PPP2R5D: variants seen among roughly 807,000 people sequenced by gnomAD.
The protein encoded by PPP2R5D is serine/threonine-protein phosphatase 2A 56 kDa regulatory subunit delta isoform.
In PPP2R5D, 12 loss-of-function variants were observed where a neutral mutation model predicts 79.1. That is an observed-to-expected ratio of 0.15 (90% CI 0.10 to 0.25). The LOEUF (loss-of-function observed/expected upper bound fraction) is 0.25. Ranked by LOEUF, PPP2R5D falls within the 10% of genes least tolerant of loss-of-function variation. The pLI is 1.00. For synonymous variants in PPP2R5D, 277 were observed against 286.6 expected (o/e 0.97, Z 0.34); for missense variants, 419 against 760.2 (o/e 0.55, Z 5.28).
At chr6:42,990,001 A>C (rs1399636120) in intron 2 of PPP2R5D, among the ~76,000 whole-genome samples, 1 of 151,944 alleles carries the variant, frequency 6.6e-6, no homozygotes, top group Non-Finnish European at 1.5e-5. Flanking sequence ...CCTGGGCAAA[A>C]GGGGAAAAGT....
chr6:43,009,565 C>A lies in PPP2R5D; in HGVS notation c.1379+116C>A. 7.1e-7 allele frequency: 1 copy of A among 1,413,622 alleles called. No individual in the cohort carries two copies. The highest frequency in any genetic ancestry group is 9.7e-7 in the Non-Finnish European group (1 of 1,027,212). 87.6% of individuals were successfully genotyped at this position (1,413,622 alleles called of 1,614,324 possible). ...GTCACCCAGCAAGTGGGGCTGATGT[C>A]CCCTGCATGTTGATAGGACCTTGAG... On this transcript the variant is annotated intron_variant, in intron 12 of 15. Coordinates refer to ENST00000485511, the MANE Select transcript of PPP2R5D (RefSeq NM_006245.4). This position sits in a 1 kb window ranked among gnomAD's most constrained non-coding sequence, Gnocchi z 5.6.
At chr6:43,003,706 G>C (rs1001256017) in intron 2 of PPP2R5D, among the ~76,000 whole-genome samples, 2 of 151,710 alleles carry the variant, frequency 1.3e-5, no homozygotes, top group African/African-American at 2.4e-5. Flanking sequence ...ATCTAGTTTT[G>C]TACTGTATTT....
At position 43,007,366 on chromosome 6, in the gene PPP2R5D, G is replaced by A; in HGVS notation, c.634-48G>A. On this transcript the variant is annotated intron_variant, in intron 5 of 15. Transcript: ENST00000485511. The surrounding 1 kb of genome is among the most constrained non-coding windows in gnomAD (Gnocchi z 4.5). ...CAGGGAGTGGGGCACTTGGAGGCCTGCAAGTCCTTGGGAACATCCCCTCAG... is the reference window on the plus strand; with the variant it reads ...CAGGGAGTGGGGCACTTGGAGGCCTACAAGTCCTTGGGAACATCCCCTCAG... The A allele has an allele frequency of 6.2e-7, 1 of 1,603,872 alleles. No homozygotes were observed.
intron 2 of PPP2R5D, among the ~76,000 whole-genome samples, chr6:43,000,382 C>T (rs983143943): frequency 4.6e-5 from 7 of 151,662 alleles, no homozygotes; most frequent in East Asian, 3.9e-4. Flanking sequence ...GGGCTACAGG[C>T]GTGCACCACC....
Position 43,007,856 on chromosome 6 carries a change from G to T in PPP2R5D, c.727-79G>T. The T allele has an allele frequency of 6.4e-7, 1 of 1,572,990 alleles. No individual in the cohort carries two copies. The highest frequency in any genetic ancestry group is 1.1e-5 in the South Asian group (1 of 89,506). ...TCCAGGGGACCTCTGCATTTCCCCT[G>T]GCGGGACCTATGTCACCCTGGCCAC... On this transcript the variant is annotated intron_variant, in intron 6 of 15. Coordinates refer to ENST00000485511, the MANE Select transcript of PPP2R5D (RefSeq NM_006245.4). This position sits in a 1 kb window ranked among gnomAD's most constrained non-coding sequence, Gnocchi z 4.5.
rs576726678 is a variant in PPP2R5D at position 42,990,129 on chromosome 6, T to C, written c.105+441T>C. On this transcript the variant is annotated intron_variant, in intron 2 of 15. Transcript: ENST00000485511. ...CTGGGCCCACTGCCCTTGGTCCTGA[T>C]TGAATGGCAGCATGACTAAAAGACA... is the stretch of plus-strand genomic sequence containing the variant. 2.5e-4 allele frequency among the ~76,000 whole-genome samples: 38 copies of C among 152,110 alleles called. 1 individual carries two copies. Among genetic ancestry groups the C allele is most frequent in the Non-Finnish European group, 4.0e-4 (27 of 68,034 alleles).
intron 2 of PPP2R5D, among the ~76,000 whole-genome samples, chr6:42,999,567 T>G (rs997276863): frequency 6.6e-6 from 1 of 152,084 alleles, no homozygotes; most frequent in Non-Finnish European, 1.5e-5. Context: ...TTCATTTGTT[T>G]TGTTTTGTTT....
Position 43,008,856 on chromosome 6 carries a change from C to A in PPP2R5D, c.1080+110C>A. The A allele has an allele frequency of 7.5e-7, 1 of 1,338,884 alleles. No homozygotes were observed. The highest frequency in any genetic ancestry group is 1.0e-6 in the Non-Finnish European group (1 of 954,740). 82.9% of individuals were successfully genotyped at this position (1,338,884 alleles called of 1,614,324 possible). A position where few individuals can be genotyped will look rare whatever the true frequency, so the allele number is the denominator to read the frequency against. ...GGAACTCAGGAGGGCTGTGACCTGA[C>A]CGGTAACATGGTTTCCTCTCTGAAG... On this transcript the variant is annotated intron_variant, in intron 10 of 15. Coordinates refer to ENST00000485511, the MANE Select transcript of PPP2R5D (RefSeq NM_006245.4). This position sits in a 1 kb window ranked among gnomAD's most constrained non-coding sequence, Gnocchi z 4.2.
intron 1 of PPP2R5D, among the ~76,000 whole-genome samples, chr6:42,985,484 C>T (rs1374589353): frequency 6.6e-6 from 1 of 152,214 alleles, no homozygotes; most frequent in Non-Finnish European, 1.5e-5. Context: ...GACTTAAAGG[C>T]CTCTTTTGTA....
Position 43,007,584 on chromosome 6 carries a change from C to T in PPP2R5D, c.726+78C>T, listed in dbSNP as rs1762157452. 9 of 1,346,838 alleles carry T rather than the reference C, an allele frequency of 6.7e-6. No individual in the cohort carries two copies. Among genetic ancestry groups the T allele is most frequent in the Non-Finnish European group, 9.6e-6 (9 of 940,436 alleles). 83.4% of individuals were successfully genotyped at this position (1,346,838 alleles called of 1,614,324 possible). A position where few individuals can be genotyped will look rare whatever the true frequency, so the allele number is the denominator to read the frequency against. ...CATCTGTGTCCCAGTGGCTCTTTCC[C>T]CTTAAGCTGAATATATTGGGTTTCA... is the stretch of plus-strand genomic sequence containing the variant. On this transcript the variant is annotated intron_variant, in intron 6 of 15. Transcript: ENST00000485511. This position sits in a 1 kb window ranked among gnomAD's most constrained non-coding sequence, Gnocchi z 4.5.
At chr6:42,985,775 C>CTT (rs945324833) in intron 1 of PPP2R5D, among the ~76,000 whole-genome samples, 2,091 of 118,260 alleles carry the variant, frequency 0.018, 41 homozygotes, top group African/African-American at 0.044. Flanking sequence ...CAGGCCATTT[C>CTT]TTTTTTTTTT....
chr6:42,989,712 A>C, intron 2 of PPP2R5D, 24 bp downstream of exon 2: 1 of 1,602,090 alleles, frequency 6.2e-7, no homozygotes, highest in Non-Finnish European at 8.5e-7. Flanking sequence ...GCGTAGCCTT[A>C]GATGTGGTGC....
chr6:42,995,973 T>A (rs1771641653), intron 2 of PPP2R5D, among the ~76,000 whole-genome samples: 1 of 148,884 alleles, frequency 6.7e-6, no homozygotes, highest in Non-Finnish European at 1.5e-5. Flanking sequence ...GCCATTCTCC[T>A]GCCTCAGCCT....
At chr6:42,994,252 T>G (rs1771474543) in intron 2 of PPP2R5D, among the ~76,000 whole-genome samples, 1 of 152,206 alleles carries the variant, frequency 6.6e-6, no homozygotes, top group Non-Finnish European at 1.5e-5. Flanking sequence ...ATTGTGCCAC[T>G]GCACTCCAGC....
At chr6:42,992,350 C>T (rs766104129) in intron 2 of PPP2R5D, among the ~76,000 whole-genome samples, 17 of 152,198 alleles carry the variant, frequency 1.1e-4, no homozygotes, top group Non-Finnish European at 2.1e-4. Flanking sequence ...TGAGCCACCG[C>T]GCCCGGCCCC....
rs889250251 is a variant in PPP2R5D, at chr6:42,995,126, C to CTTTTTTTT, written c.105+5452_105+5459dup. Reference sequence around the variant, plus strand: ...TTGTGTCCCACCGAACTTTTTCTTTCTTTTTTTTTTTTTTTTTTTTTGGAG... The same window carrying CTTTTTTTT: ...TTGTGTCCCACCGAACTTTTTCTTTCTTTTTTTTTTTTTTTTTTTTTTTTTTTTTGGAG... On this transcript the variant is annotated intron_variant, in intron 2 of 15. Coordinates refer to ENST00000485511, the MANE Select transcript of PPP2R5D (RefSeq NM_006245.4). Among the ~76,000 whole-genome samples, 517 of 106,290 alleles carry CTTTTTTTT rather than the reference C, an allele frequency of 4.9e-3. 11 individuals carry two copies. The highest frequency in any genetic ancestry group is 6.9e-3 in the Non-Finnish European group (379 of 54,920). 69.7% of individuals were successfully genotyped at this position (106,290 alleles called of 152,430 possible). A position where few individuals can be genotyped will look rare whatever the true frequency, so the allele number is the denominator to read the frequency against.
At chr6:42,987,305 A>C (rs1770924197) in intron 1 of PPP2R5D, among the ~76,000 whole-genome samples, 1 of 152,128 alleles carries the variant, frequency 6.6e-6, no homozygotes, top group Non-Finnish European at 1.5e-5. Flanking sequence ...GTGCTAAGAT[A>C]ATCTCTTGGA....
In PPP2R5D at chr6:42,984,633, CCGGAG is replaced by C. The variant is rs768738918; in HGVS notation, c.-41_-37del. 87 of 1,572,234 alleles carry C rather than the reference CCGGAG, an allele frequency of 5.5e-5. 1 individual carries two copies. The Admixed American group carries it at 9.4e-4, about 17-fold the overall frequency. On this transcript the variant is annotated 5_prime_UTR_variant, in exon 1 of 16. Coordinates refer to ENST00000485511, the MANE Select transcript of PPP2R5D (RefSeq NM_006245.4). ...CGAGTGCGGCCGAGCAAAGCCGGAG[CCGGAG>C]CGGGGCCGCAGGAGACGGGCCGGGT...
chr6:43,012,055 T>C lies in PPP2R5D; in HGVS notation c.*769T>C. ...TTTCTGTGCTGTTGGTTCCCAAAAC[T>C]AGAAAGAAGGAAGCAGGGAGCGGTG... On this transcript the variant is annotated 3_prime_UTR_variant, in exon 16 of 16. Transcript: ENST00000485511. 6 of 349,072 alleles carry C rather than the reference T, an allele frequency of 1.7e-5. No individual in the cohort carries two copies. The highest frequency in any genetic ancestry group is 2.4e-5 in the Non-Finnish European group (6 of 247,134). 21.6% of individuals were successfully genotyped at this position (349,072 alleles called of 1,614,324 possible).
Sources: gnomAD v4.1 joint callset for allele counts (sites outside exome capture counted in the v4.1 genomes callset) on GRCh38, gnomAD v4.1.1 for gene constraint, Gnocchi (gnomAD v3.1) non-coding constraint, MANE v1.5 for transcripts, NCBI Gene and HGNC (gene_info 2026-07-23, HGNC 2026-07-21) for gene names.